Variants in TFB1M observed in about 807,000 individuals in gnomAD.
TFB1M encodes the protein dimethyladenosine transferase 1, mitochondrial.
Under a neutral mutation model 31.1 loss-of-function variants are expected in TFB1M, and 27 were observed. The observed-to-expected ratio is 0.87, with a 90% CI of 0.64 to 1.20. The LOEUF (loss-of-function observed/expected upper bound fraction) is 1.20, where lower values mean the gene tolerates loss of function less well. Among genes scored for constraint, TFB1M ranks in the 50% most tolerant of loss-of-function variants. The pLI, the probability that TFB1M is intolerant of heterozygous loss-of-function variation, is 0.00. For synonymous variants in TFB1M, 166 were observed against 151.8 expected (o/e 1.09, Z -0.69); for missense variants, 394 against 418.7 (o/e 0.94, Z 0.51).
the TFB1M span, chr6:155,244,776 A>G: frequency 6.2e-7 from 1 of 1,609,622 alleles, no homozygotes; most frequent in Non-Finnish European, 8.5e-7. Flanking sequence ...ACCCCCTCAC[A>G]GTTTAGAGTA....
chr6:155,288,702 A>G (rs779826610), intron 4 of TFB1M, among the ~76,000 whole-genome samples: 2 of 152,228 alleles, frequency 1.3e-5, no homozygotes, highest in Non-Finnish European at 2.9e-5. Context: ...AGAGATGAAA[A>G]CATGCGAATC....
At chr6:155,296,366 T>A (rs1308076965) in intron 4 of TFB1M, among the ~76,000 whole-genome samples, 1 of 151,256 alleles carries the variant, frequency 6.6e-6, no homozygotes, top group Non-Finnish European at 1.5e-5. Context: ...TTCAAGCAAT[T>A]CTCCTGGCTC....
intron 2 of TFB1M, among the ~76,000 whole-genome samples, chr6:155,300,977 G>C (rs1777403965): frequency 6.6e-6 from 1 of 151,602 alleles, no homozygotes; most frequent in South Asian, 2.1e-4. Context: ...GCTAATTTTT[G>C]TATTTTTAGT....
intron 4 of TFB1M, among the ~76,000 whole-genome samples, chr6:155,291,040 G>C (rs1776899496): frequency 6.7e-6 from 1 of 149,884 alleles, no homozygotes; most frequent in Admixed American, 6.6e-5. Flanking sequence ...CTGAGTTTTT[G>C]AGCCATTCTG....
the TFB1M span, chr6:155,244,692 T>C: frequency 1.2e-5 from 19 of 1,614,166 alleles, no homozygotes; most frequent in Admixed American, 1.7e-5. Context: ...CCAGAGATGC[T>C]TGAGTTTCAG....
chr6:155,280,078 A>G (rs942983142), intron 5 of TFB1M, among the ~76,000 whole-genome samples: 1 of 152,170 alleles, frequency 6.6e-6, no homozygotes, highest in South Asian at 2.1e-4. Flanking sequence ...AAACAAAAAG[A>G]AGAGAGAAAA....
rs1189869721 is a variant in TFB1M at position 155,290,388 on chromosome 6, C to CAAAAA, written c.547-5116_547-5112dup. On this transcript the variant is annotated intron_variant, in intron 4 of 6. Transcript: ENST00000367166. ...GTGACAGAGCGGCGAGACTCGGCCT[C>CAAAAA]AAAAAAAAAAAAAAAAAAAAAAGAA... Among the ~76,000 whole-genome samples the CAAAAA allele has an allele frequency of 6.9e-3, 737 of 106,598 alleles. 1 individual carries two copies. Among genetic ancestry groups the CAAAAA allele is most frequent in the Non-Finnish European group, 0.01 (523 of 51,162 alleles). The allele number at this position is 106,598 out of a possible 152,430, so 69.9% of individuals were successfully genotyped here.
chr6:155,285,321 C>T, intron 4 of TFB1M, 44 bp from the exon 5 acceptor site: 1 of 1,610,420 alleles, frequency 6.2e-7, no homozygotes, highest in Non-Finnish European at 8.5e-7. Flanking sequence ...ATTAGTCCAG[C>T]CTGATTAGAT....
chr6:155,311,293 G>C lies in TFB1M; in HGVS notation c.180C>G (p.Tyr60Ter). The C allele has an allele frequency of 6.2e-7, 1 of 1,613,856 alleles. No individual in the cohort carries two copies. The highest frequency in any genetic ancestry group is 1.6e-4 in the Middle Eastern group (1 of 6,062). Residue 60 changes from tyrosine (Y) to a stop codon, truncating the protein, a stop_gained, in exon 2 of 7, where the codon TAC becomes TAG. Transcript: ENST00000367166. LOFTEE classifies it high-confidence loss of function. ...TTCCCCCTGGCCCAGGGCCCACTTC[G>C]TAAACATAAGCATTTGTCAGATTGC... ...KAGNLTNAYV[Y>*]EVGPGPGGIT...
chr6:155,267,053 C>T (rs1222092489), intron 5 of TFB1M, among the ~76,000 whole-genome samples: 1 of 149,968 alleles, frequency 6.7e-6, no homozygotes, highest in African/African-American at 2.5e-5. Context: ...CGGCTCACTG[C>T]AACCTCCACC....
At chr6:155,251,103 C>G in the TFB1M span, 2 of 1,198,058 alleles carry the variant, frequency 1.7e-6, no homozygotes, top group Non-Finnish European at 2.5e-6. Flanking sequence ...CAGTCCAGCT[C>G]ACTCCTGAGC....
At chr6:155,282,589 T>C (rs143470240) in intron 5 of TFB1M, among the ~76,000 whole-genome samples, 1 of 152,348 alleles carries the variant, frequency 6.6e-6, no homozygotes, top group African/African-American at 2.4e-5. Context: ...TTTTTAGCGC[T>C]TAGCTTATCT....
At chr6:155,232,799 T>C in the TFB1M span, 2 of 152,228 alleles carry the variant, frequency 1.3e-5, no homozygotes, top group Non-Finnish European at 2.9e-5. Context: ...GTCTCTTTCC[T>C]AGTAGCTTTC....
intron 6 of TFB1M, among the ~76,000 whole-genome samples, chr6:155,259,504 G>T (rs114589478): frequency 6.6e-6 from 1 of 152,240 alleles, no homozygotes; most frequent in Non-Finnish European, 1.5e-5. Context: ...ATGCTAAAGG[G>T]ACACTTCGGA....
chr6:155,248,392 G>A, the TFB1M span, among the ~76,000 whole-genome samples: 3 of 152,226 alleles, frequency 2.0e-5, no homozygotes, highest in Admixed American at 6.5e-5. Flanking sequence ...AAATACTTGG[G>A]TAGAAATGAT....
rs916476023 is a variant in TFB1M at position 155,258,058 on chromosome 6, G to A, written c.819C>T (p.Arg273=). 4 of 1,614,086 alleles carry A rather than the reference G, an allele frequency of 2.5e-6. No individual in the cohort carries two copies. In the African/African-American group the frequency reaches 4.0e-5, roughly 16 times the overall value. ...GLRMLFPEAQ[R]LESTGRLLEL... ...CTAACAGCCTGCCCGTGCTTTCCAA[G>A]CGCTGCGCTTCAGGGAATAACATTC... The change falls in exon 7 of 7, where the codon CGC becomes CGT. Residue 273 remains arginine, a synonymous_variant. Coordinates refer to ENST00000367166, the MANE Select transcript of TFB1M (RefSeq NM_016020.4).
At chr6:155,285,714 A>T (rs1776597382) in intron 4 of TFB1M, among the ~76,000 whole-genome samples, 1 of 152,230 alleles carries the variant, frequency 6.6e-6, no homozygotes, top group African/African-American at 2.4e-5. Context: ...GTGCTTTTCA[A>T]ATTCACTTAA....
chr6:155,286,102 T>C (rs1776614493), intron 4 of TFB1M, among the ~76,000 whole-genome samples: 1 of 152,026 alleles, frequency 6.6e-6, no homozygotes, highest in African/African-American at 2.4e-5. Flanking sequence ...GCACATTAGA[T>C]ATTTAACACA....
At chr6:155,241,962 G>A in the TFB1M span, among the ~76,000 whole-genome samples, 2 of 152,186 alleles carry the variant, frequency 1.3e-5, no homozygotes, top group Non-Finnish European at 2.9e-5. Flanking sequence ...GAGAATCGAT[G>A]TCCCTTTTTG....
Sources: allele counts gnomAD v4.1 joint callset (sites outside exome capture counted in the v4.1 genomes callset), GRCh38; gene constraint gnomAD v4.1.1; transcripts MANE v1.5; gene names NCBI Gene and HGNC (gene_info 2026-07-23, HGNC 2026-07-21).